The following IL18RAP variants were observed in gnomAD, a reference collection of about 807,000 sequenced individuals.
The protein encoded by IL18RAP is interleukin-18 receptor accessory protein.
IL18RAP carries 37 observed loss-of-function variants against 58.1 expected under a neutral mutation model. The ratio of observed to expected loss-of-function variants is 0.64; its 90% CI spans 0.49 to 0.84. The LOEUF is 0.84. IL18RAP is among the 40% of genes least tolerant of loss of function. The pLI, the probability that IL18RAP is intolerant of heterozygous loss-of-function variation, is 0.00. For synonymous variants in IL18RAP, 268 were observed against 257.5 expected (o/e 1.04, Z -0.39); for missense variants, 667 against 704.8 (o/e 0.95, Z 0.61).
intron 6 of IL18RAP, among the ~76,000 whole-genome samples, chr2:102,444,408 T>C (rs1404866668): frequency 1.3e-5 from 2 of 152,140 alleles, no homozygotes; most frequent in Non-Finnish European, 2.9e-5. Context: ...CATCACCCAT[T>C]GATAATCTAT....
intron 3 of IL18RAP, among the ~76,000 whole-genome samples, chr2:102,431,629 A>G (rs1331989962): frequency 6.6e-6 from 1 of 151,990 alleles, no homozygotes; most frequent in African/African-American, 2.4e-5. Flanking sequence ...GATAATTTCA[A>G]ATGTCATCTC....
intron 3 of IL18RAP, among the ~76,000 whole-genome samples, chr2:102,436,119 A>T (rs1002882822): frequency 2.7e-4 from 41 of 152,242 alleles, no homozygotes; most frequent in African/African-American, 9.9e-4. Context: ...GTTCCATTTC[A>T]TAAAGTCTTA....
At chr2:102,436,833 G>A (rs57246536) in intron 3 of IL18RAP, among the ~76,000 whole-genome samples, 1,663 of 114,572 alleles carry the variant, frequency 0.015, 29 homozygotes, top group African/African-American at 0.046. Context: ...ATATATATAT[G>A]TATGTATACA....
At chr2:102,422,201 C>T (rs1681619334), upstream of IL18RAP, among the ~76,000 whole-genome samples, 1 of 152,202 alleles carries the variant, frequency 6.6e-6, no homozygotes, top group South Asian at 2.1e-4. Flanking sequence ...GGACACTTTT[C>T]AGTCCTTCTC....
At chr2:102,421,203 T>C (rs1256594388), upstream of IL18RAP, among the ~76,000 whole-genome samples, 1 of 152,180 alleles carries the variant, frequency 6.6e-6, no homozygotes, top group Non-Finnish European at 1.5e-5. Context: ...GAGTAAGATA[T>C]TTTCAGACAA....
intron 4 of IL18RAP, 108 bp downstream of exon 4, chr2:102,437,470 T>A: frequency 9.1e-7 from 1 of 1,093,764 alleles, no homozygotes; most frequent in Non-Finnish European, 1.3e-6. Context: ...GATAGTCATA[T>A]ACTTGTAATC....
intron 7 of IL18RAP, 68 bp from the exon 8 acceptor site, chr2:102,447,002 G>A (rs1172034918): frequency 3.3e-6 from 5 of 1,528,070 alleles, no homozygotes; most frequent in East Asian, 2.3e-5. Flanking sequence ...CCATAGCGCC[G>A]GCCTGAACAT....
intron 3 of IL18RAP, among the ~76,000 whole-genome samples, chr2:102,432,842 T>C (rs564716623): frequency 4.7e-4 from 72 of 152,262 alleles, no homozygotes; most frequent in Non-Finnish European, 7.5e-4. Flanking sequence ...AGTTATTTAT[T>C]ATTTATGCTA....
chr2:102,444,834 A>G (rs1323221283), intron 6 of IL18RAP, among the ~76,000 whole-genome samples: 5 of 152,184 alleles, frequency 3.3e-5, no homozygotes, highest in Admixed American at 6.5e-5. Context: ...TAGAGTCCAT[A>G]TTTTGTGCAC....
intron 8 of IL18RAP, 139 bp downstream of exon 8, chr2:102,447,346 C>A: frequency 2.1e-6 from 2 of 947,994 alleles, no homozygotes; most frequent in Non-Finnish European, 3.1e-6. Context: ...ATGTCCCCTG[C>A]CAGCCAGGGC....
rs140983423 is a variant in IL18RAP at position 102,437,356 on chromosome 2, A to G, written c.724A>G (p.Thr242Ala). The stretch of plus-strand genomic sequence containing the variant: ...AGTCAGAGCTGTTGTTCAAGTGAGA[A>G]CCATTGGTAAGTGAGATTTTTATCT... ...WTVRAVVQVR[T>A]IVGDTKLKPD... is the part of the protein sequence containing the mutation. Residue 242 changes from threonine (T) to alanine (A), a missense_variant, in exon 4 of 10, where the codon ACC (threonine) becomes GCC (alanine). By Grantham distance (58) the Thr-to-Ala change is moderately conservative. Transcript: ENST00000687160. The G allele has an allele frequency of 1.2e-6, 2 of 1,607,938 alleles. No individual in the cohort carries two copies. Among genetic ancestry groups the G allele is most frequent in the Non-Finnish European group, 1.7e-6 (2 of 1,178,156 alleles).
intron 3 of IL18RAP, chr2:102,432,385 C>T (rs1468541719): frequency 1.3e-5 from 2 of 154,238 alleles, no homozygotes; most frequent in African/African-American, 4.8e-5. Context: ...ACCCTTGTGT[C>T]TTCCATTCAC....
chr2:102,448,960 CAAAAAAAAAAA>C (rs10566180), intron 8 of IL18RAP, among the ~76,000 whole-genome samples: 1 of 67,222 alleles, frequency 1.5e-5, no homozygotes, highest in African/African-American at 6.5e-5. Flanking sequence ...TACCCTATCT[CAAAAAAAAAAA>C]AAAAAAAAAA....
At chr2:102,444,909 G>A (rs776184952) in intron 6 of IL18RAP, among the ~76,000 whole-genome samples, 3 of 152,164 alleles carry the variant, frequency 2.0e-5, no homozygotes, top group Non-Finnish European at 2.9e-5. Context: ...TTTTTCTTAA[G>A]GTATTGTTAT....
chr2:102,427,253 C>T (rs1478086594), intron 3 of IL18RAP, among the ~76,000 whole-genome samples: 1 of 152,110 alleles, frequency 6.6e-6, no homozygotes, highest in Non-Finnish European at 1.5e-5. Context: ...ATTTCAATCT[C>T]TTTGGATATG....
At chr2:102,421,859 G>A (rs914773033), upstream of IL18RAP, among the ~76,000 whole-genome samples, 2 of 152,120 alleles carry the variant, frequency 1.3e-5, no homozygotes, top group Non-Finnish European at 2.9e-5. Flanking sequence ...TCTTGTCCAA[G>A]ATTAATCTCC....
chr2:102,438,064 T>TCTGCTC (rs35287819), intron 4 of IL18RAP, among the ~76,000 whole-genome samples: 2 of 152,224 alleles, frequency 1.3e-5, no homozygotes, highest in Admixed American at 6.5e-5. Flanking sequence ...TTGTTTCTTT[T>TCTGCTC]CTGCTCCATA....
At chr2:102,439,687 T>G (rs1682978538) in intron 4 of IL18RAP, 1 of 152,388 alleles carries the variant, frequency 6.6e-6, no homozygotes, top group African/African-American at 2.4e-5. Flanking sequence ...TTTTCTGCCC[T>G]GGATAAGTTA....
At chr2:102,450,816 C>T (rs754095780) in intron 8 of IL18RAP, 32 bp from the exon 9 acceptor site, 2 of 1,445,512 alleles carry the variant, frequency 1.4e-6, no homozygotes, top group South Asian at 2.7e-5. Context: ...GAGTAAATGA[C>T]TTATGTTTTT....
Sources: allele counts gnomAD v4.1 joint callset (sites outside exome capture counted in the v4.1 genomes callset), GRCh38; gene constraint gnomAD v4.1.1; transcripts MANE v1.5; gene names NCBI Gene and HGNC (gene_info 2026-07-23, HGNC 2026-07-21).